Variants in DAB1 observed in about 807,000 individuals in gnomAD.
DAB1 encodes disabled homolog 1.
Under a neutral mutation model 64.6 loss-of-function variants are expected in DAB1, and 15 were observed. The observed-to-expected ratio is 0.23, with a 90% confidence interval of 0.16 to 0.36. DAB1 has a LOEUF of 0.36. Among genes scored for constraint, DAB1 ranks in the 10% least tolerant of loss-of-function variants. DAB1 has a pLI of 1.00. For missense variants in DAB1, 596 were observed against 706.7 expected, an observed-to-expected ratio of 0.84 and a Z score of 1.78; for synonymous variants, 235 against 251.9, an observed-to-expected ratio of 0.93 and a Z score of 0.64.
At chr1:57,526,093 A>G (rs959590918) in intron 7 of DAB1, among the ~76,000 whole-genome samples, 1 of 151,988 alleles carries the variant, frequency 6.6e-6, no homozygotes, top group Non-Finnish European at 1.5e-5. Flanking sequence ...ACCCGCCACC[A>G]CACCCAGCTA....
At chr1:58,456,849 C>T (rs548562699) in intron 3 of DAB1, among the ~76,000 whole-genome samples, 2 of 152,236 alleles carry the variant, frequency 1.3e-5, no homozygotes, top group East Asian at 1.9e-4. Flanking sequence ...AAGCTATGGG[C>T]ATTGGTATTT....
intron 1 of DAB1, among the ~76,000 whole-genome samples, chr1:57,327,873 A>C (rs1676310413): frequency 6.6e-6 from 1 of 152,122 alleles, no homozygotes; most frequent in Non-Finnish European, 1.5e-5. Context: ...ATACCCCTAC[A>C]AACATGGAGA....
At chr1:57,046,808 T>G (rs1321029535) in intron 9 of DAB1, among the ~76,000 whole-genome samples, 1 of 152,216 alleles carries the variant, frequency 6.6e-6, no homozygotes, top group African/African-American at 2.4e-5. Flanking sequence ...GAGGGAGTAC[T>G]ATTGTTGCTT....
At chr1:58,254,744 A>T (rs1317801692) in intron 4 of DAB1, among the ~76,000 whole-genome samples, 2 of 66,246 alleles carry the variant, frequency 3.0e-5, no homozygotes, top group East Asian at 1.4e-3. Flanking sequence ...ATGGCTGCAT[A>T]GTATTCCATG....
chr1:58,056,437 C>T (rs768953058), intron 5 of DAB1: 44 of 1,545,860 alleles, frequency 2.8e-5, no homozygotes, highest in Middle Eastern at 1.7e-4. Context: ...CACGTGGCCG[C>T]GGCCCTTTTT....
chr1:57,079,191 CTTAT>C (rs1398595204), intron 4 of DAB1, among the ~76,000 whole-genome samples: 1 of 152,088 alleles, frequency 6.6e-6, no homozygotes, highest in East Asian at 1.9e-4. Context: ...TAATTTTCTT[CTTAT>C]TTATGCTAAT....
chr1:57,457,852 C>A (rs1686654148), intron 7 of DAB1, among the ~76,000 whole-genome samples: 1 of 151,982 alleles, frequency 6.6e-6, no homozygotes, highest in Non-Finnish European at 1.5e-5. Flanking sequence ...ACAGGATTGT[C>A]CAAGGAGCCA....
intron 5 of DAB1, among the ~76,000 whole-genome samples, chr1:57,972,560 A>T (rs1323481362): frequency 6.6e-6 from 1 of 152,136 alleles, no homozygotes; most frequent in Non-Finnish European, 1.5e-5. Context: ...TTTCACCTAA[A>T]AGGGGACTTC....
At chr1:57,744,152 G>A (rs1310402125) in intron 6 of DAB1, among the ~76,000 whole-genome samples, 1 of 152,172 alleles carries the variant, frequency 6.6e-6, no homozygotes, top group Non-Finnish European at 1.5e-5. Flanking sequence ...ATTTTGGGGG[G>A]CTTGCTCCCA....
At chr1:57,490,808 G>A (rs1414324321) in intron 7 of DAB1, among the ~76,000 whole-genome samples, 1 of 152,216 alleles carries the variant, frequency 6.6e-6, no homozygotes, top group Non-Finnish European at 1.5e-5. Context: ...ATATTAAGTG[G>A]ACTTCAATGC....
intron 7 of DAB1, among the ~76,000 whole-genome samples, chr1:57,498,749 G>A (rs749810168): frequency 6.6e-6 from 1 of 152,216 alleles, no homozygotes; most frequent in East Asian, 1.9e-4. Flanking sequence ...AAGGGAAAAT[G>A]TTATAGCTGG....
intron 4 of DAB1, among the ~76,000 whole-genome samples, chr1:57,104,929 A>G (rs1655005741): frequency 6.6e-6 from 1 of 152,144 alleles, no homozygotes. Flanking sequence ...AGGCTGCTTC[A>G]CTACCTGCCT....
In DAB1 at chr1:57,907,362, G is replaced by A. The variant is rs1569965430; in HGVS notation, n.388-23200C>T. On this transcript the variant is annotated intron_variant and non_coding_transcript_variant, in intron 5 of 20. Coordinates refer to the DAB1 transcript ENST00000485760. ...GGATGGTAAAGAGAGAACTGACCAT[G>A]TGGTAACCAGAAAACATTAGGTCTC... is the stretch of plus-strand genomic sequence containing the variant. 5.3e-5 allele frequency among the ~76,000 whole-genome samples: 8 copies of A among 152,270 alleles called. 1 individual carries two copies. The South Asian group carries it at 1.7e-3, about 32-fold the overall frequency.
At chr1:58,477,439 G>A (rs1042776425) in intron 3 of DAB1, among the ~76,000 whole-genome samples, 7 of 152,092 alleles carry the variant, frequency 4.6e-5, no homozygotes, top group Admixed American at 6.6e-5. Context: ...CGTAAGCCCC[G>A]TGGTTGCATC....
chr1:57,007,775 A>G (rs574768026), intron 14 of DAB1, among the ~76,000 whole-genome samples: 1 of 152,328 alleles, frequency 6.6e-6, no homozygotes, highest in East Asian at 1.9e-4. Flanking sequence ...ACCATATGAA[A>G]GCAGAGGGGA....
At chr1:57,669,475 G>C (rs764022441) in intron 6 of DAB1, among the ~76,000 whole-genome samples, 1 of 152,002 alleles carries the variant, frequency 6.6e-6, no homozygotes, top group Non-Finnish European at 1.5e-5. Flanking sequence ...CCCCCTGCCC[G>C]CCATGAAAAT....
intron 7 of DAB1, among the ~76,000 whole-genome samples, chr1:57,536,796 G>A (rs186227779): frequency 7.8e-5 from 11 of 140,980 alleles, no homozygotes; most frequent in East Asian, 2.4e-4. Flanking sequence ...TCCCACCCCC[G>A]CCAGCCTATT....
chr1:57,347,960 A>G (rs372554438), intron 1 of DAB1, among the ~76,000 whole-genome samples: 74 of 152,220 alleles, frequency 4.9e-4, no homozygotes, highest in African/African-American at 1.8e-3. Flanking sequence ...AAGAAAATTC[A>G]TTTACTTTCA....
intron 2 of DAB1, among the ~76,000 whole-genome samples, chr1:57,181,857 T>A (rs1390121505): frequency 6.6e-6 from 1 of 152,128 alleles, no homozygotes; most frequent in Non-Finnish European, 1.5e-5. Flanking sequence ...AAAGTAAATG[T>A]TACATTGCAA....
Sources: allele counts gnomAD v4.1 joint callset (sites outside exome capture counted in the v4.1 genomes callset), GRCh38; gene constraint gnomAD v4.1.1; transcripts MANE v1.5; gene names NCBI Gene and HGNC (gene_info 2026-07-23, HGNC 2026-07-21).